The following MLLT10 variants were observed in gnomAD, a reference collection of about 807,000 sequenced individuals.
MLLT10 encodes the protein protein AF-10.
A neutral mutation model predicts 129.1 loss-of-function variants in MLLT10; 30 were observed. The observed-to-expected ratio is 0.23, with a 90% confidence interval of 0.17 to 0.32. The LOEUF (loss-of-function observed/expected upper bound fraction) is 0.32. Among genes scored for constraint, MLLT10 ranks in the 10% least tolerant of loss-of-function variants. The pLI is 1.00. For synonymous variants in MLLT10, 490 were observed against 446.4 expected, an observed-to-expected ratio of 1.10 and a Z score of -1.23; for missense variants, 1,119 against 1,268.3, an observed-to-expected ratio of 0.88 and a Z score of 1.79.
chr10:21,670,946 G>A, intron 10 of MLLT10: 1 of 418,488 alleles, frequency 2.4e-6, no homozygotes, highest in Non-Finnish European at 4.2e-6. Context: ...TAATTTTAAT[G>A]TTTAACTAGA....
intron 9 of MLLT10, among the ~76,000 whole-genome samples, chr10:21,660,686 C>CA (rs1434009888): frequency 6.7e-6 from 1 of 150,086 alleles, no homozygotes; most frequent in Non-Finnish European, 1.5e-5. Context: ...TCAGCCTGGC[C>CA]AACATGGCGA....
At chr10:21,691,353 A>G (rs1364048714) in intron 13 of MLLT10, among the ~76,000 whole-genome samples, 1 of 152,158 alleles carries the variant, frequency 6.6e-6, no homozygotes, top group Non-Finnish European at 1.5e-5. Flanking sequence ...ATTTTATTTC[A>G]GGATCTCTTG....
chr10:21,629,464 TGGG>T (rs2046802056), intron 8 of MLLT10, among the ~76,000 whole-genome samples: 2 of 152,090 alleles, frequency 1.3e-5, no homozygotes, highest in South Asian at 4.1e-4. Context: ...CAAAGATCAT[TGGG>T]GGCATGGAGG....
chr10:21,562,809 G>GTTCTTT (rs2039001083), intron 3 of MLLT10, among the ~76,000 whole-genome samples: 1 of 76,606 alleles, frequency 1.3e-5, no homozygotes. Context: ...CATATACTTT[G>GTTCTTT]TTTTTTTTGT....
intron 5 of MLLT10, among the ~76,000 whole-genome samples, chr10:21,605,835 A>G (rs181319392): frequency 6.6e-6 from 1 of 152,310 alleles, no homozygotes; most frequent in East Asian, 1.9e-4. Context: ...ACTTAATTTT[A>G]GTAAGATGTA....
chr10:21,646,977 TC>T, intron 8 of MLLT10, among the ~76,000 whole-genome samples: 1 of 151,628 alleles, frequency 6.6e-6, no homozygotes, highest in South Asian at 2.1e-4. Flanking sequence ...TGCCTCAGCC[TC>T]CTGAGTAGCT....
chr10:21,542,771 A>G (rs1169471329), intron 3 of MLLT10, among the ~76,000 whole-genome samples: 1 of 152,126 alleles, frequency 6.6e-6, no homozygotes, highest in Non-Finnish European at 1.5e-5. Context: ...TACTTGTCCT[A>G]GCTACGTGGG....
At chr10:21,663,687 C>T (rs1310578601) in intron 9 of MLLT10, among the ~76,000 whole-genome samples, 1 of 152,210 alleles carries the variant, frequency 6.6e-6, no homozygotes, top group Non-Finnish European at 1.5e-5. Context: ...GCCTCAGCCT[C>T]CCGAATAGCT....
At chr10:21,578,512 TTA>T (rs1341793075) in intron 3 of MLLT10, among the ~76,000 whole-genome samples, 1 of 152,184 alleles carries the variant, frequency 6.6e-6, no homozygotes, top group Non-Finnish European at 1.5e-5. Flanking sequence ...GCTTTTAGTG[TTA>T]TGTCTAAAAA....
chr10:21,724,157 CT>C (rs1299781746), intron 14 of MLLT10, among the ~76,000 whole-genome samples: 1 of 152,156 alleles, frequency 6.6e-6, no homozygotes, highest in African/African-American at 2.4e-5. Flanking sequence ...CTGACTTTGT[CT>C]GCATATTTTT....
chr10:21,536,932 G>GACC (rs1335184614), intron 2 of MLLT10, among the ~76,000 whole-genome samples: 3 of 151,596 alleles, frequency 2.0e-5, no homozygotes, highest in African/African-American at 7.3e-5. Flanking sequence ...TGCAGGCATG[G>GACC]ACCACCATGC....
At chr10:21,551,266 G>A (rs1029787921) in intron 3 of MLLT10, among the ~76,000 whole-genome samples, 4 of 140,566 alleles carry the variant, frequency 2.8e-5, no homozygotes, top group Non-Finnish European at 6.1e-5. Flanking sequence ...CAGGCTGAGT[G>A]CCAAAAAGTA....
At position 21,742,841 on chromosome 10, in the gene MLLT10, A is replaced by C. The variant is rs1207291372; in HGVS notation, c.*858A>C. ...GGGTGGGACAGTCAGTCCTCCGAGC[A>C]GCAGGAATCATCCCGTCACCTGCAG... On this transcript the variant is annotated 3_prime_UTR_variant, in exon 23 of 23. Coordinates refer to ENST00000307729, the MANE Select transcript of MLLT10 (RefSeq NM_001195626.3). The C allele has an allele frequency of 4.4e-6, 1 of 228,730 alleles. No individual in the cohort carries two copies. Among genetic ancestry groups the C allele is most frequent in the African/African-American group, 2.2e-5 (1 of 45,104 alleles). 14.2% of individuals were successfully genotyped at this position (228,730 alleles called of 1,614,324 possible).
Position 21,603,819 on chromosome 10 carries a change from G to GT in MLLT10, c.405+8386dup, listed in dbSNP as rs1471443416. On this transcript the variant is annotated intron_variant, in intron 5 of 22. Transcript: ENST00000307729. Reference sequence around the variant, plus strand: ...TGGATGTCAGTGGTTGACAGTTTTTGTTTTTTTGTTTTTTTTTTTTTAATC... The same window carrying GT: ...TGGATGTCAGTGGTTGACAGTTTTTGTTTTTTTTGTTTTTTTTTTTTTAATC... Among the ~76,000 whole-genome samples the GT allele has an allele frequency of 5.5e-3, 752 of 137,364 alleles. 2 individuals carry two copies. Among genetic ancestry groups the GT allele is most frequent in the Non-Finnish European group, 6.4e-3 (381 of 59,810 alleles). The allele number at this position is 137,364 out of a possible 152,430, so 90.1% of individuals were successfully genotyped here. A position where few individuals can be genotyped will look rare whatever the true frequency, so the allele number is the denominator to read the frequency against.
chr10:21,542,718 A>G (rs1198577335), intron 3 of MLLT10, among the ~76,000 whole-genome samples: 1 of 152,090 alleles, frequency 6.6e-6, no homozygotes, highest in African/African-American at 2.4e-5. Flanking sequence ...GTGAGACCTT[A>G]TCTCTACAAA....
chr10:21,737,466 CAG>C (rs2131590066), intron 21 of MLLT10, among the ~76,000 whole-genome samples: 1 of 152,162 alleles, frequency 6.6e-6, no homozygotes, highest in African/African-American at 2.4e-5. Context: ...AAGGTGCTAG[CAG>C]AGGAGGAGAT....
chr10:21,547,504 G>A (rs1159624964), intron 3 of MLLT10, among the ~76,000 whole-genome samples: 3 of 150,408 alleles, frequency 2.0e-5, no homozygotes, highest in Non-Finnish European at 4.4e-5. Context: ...CTAAGTAGCT[G>A]GAATTACTCC....
chr10:21,568,707 G>A (rs972358673), intron 3 of MLLT10, among the ~76,000 whole-genome samples: 19 of 151,966 alleles, frequency 1.3e-4, no homozygotes, highest in Non-Finnish European at 2.5e-4. Flanking sequence ...GCGAGATCTT[G>A]GCTCACTGCA....
intron 3 of MLLT10, among the ~76,000 whole-genome samples, chr10:21,576,284 C>T (rs2131053477): frequency 6.6e-6 from 1 of 150,602 alleles, no homozygotes; most frequent in African/African-American, 2.4e-5. Flanking sequence ...GCTCTGTCGC[C>T]CAGGCTGGAG....
Sources: gnomAD v4.1 joint callset for allele counts (sites outside exome capture counted in the v4.1 genomes callset) on GRCh38, gnomAD v4.1.1 for gene constraint, MANE v1.5 for transcripts, NCBI Gene and HGNC (gene_info 2026-07-23, HGNC 2026-07-21) for gene names.